The following HS6ST3 variants were observed in gnomAD, a reference collection of about 807,000 sequenced individuals.
HS6ST3 encodes heparan sulfate 6-O-sulfotransferase 3.
Under a neutral mutation model 36.7 loss-of-function variants are expected in HS6ST3, and 12 were observed. The ratio of observed to expected loss-of-function variants is 0.33; its 90% confidence interval spans 0.21 to 0.53. The LOEUF is 0.53. Among genes scored for constraint, HS6ST3 ranks in the 20% least tolerant of loss-of-function variants. HS6ST3 has a pLI of 0.95. For missense variants in HS6ST3, 584 were observed against 640.9 expected, an observed-to-expected ratio of 0.91 and a Z score of 0.96; for synonymous variants, 240 against 257.5, an observed-to-expected ratio of 0.93 and a Z score of 0.65.
chr13:96,372,570 A>T (rs1173491557), intron 1 of HS6ST3, among the ~76,000 whole-genome samples: 1 of 152,108 alleles, frequency 6.6e-6, no homozygotes, highest in African/African-American at 2.4e-5. Context: ...GACCAATGTC[A>T]TGGAACTTTT....
intron 1 of HS6ST3, among the ~76,000 whole-genome samples, chr13:96,505,700 T>C (rs754369351): frequency 1.3e-5 from 2 of 152,156 alleles, no homozygotes; most frequent in African/African-American, 2.4e-5. Flanking sequence ...TGAAGGAATT[T>C]ATTGAAGCCC....
intron 1 of HS6ST3, among the ~76,000 whole-genome samples, chr13:96,632,845 CT>C (rs551095930): frequency 6.6e-6 from 1 of 152,156 alleles, no homozygotes; most frequent in Non-Finnish European, 1.5e-5. Flanking sequence ...AAAACAGTAC[CT>C]CTGACAAGAT....
chr13:96,383,160 G>C (rs1240447826), intron 1 of HS6ST3, among the ~76,000 whole-genome samples: 1 of 151,488 alleles, frequency 6.6e-6, no homozygotes, highest in African/African-American at 2.4e-5. Context: ...TGAGGTAAAA[G>C]TGGGAGAGAG....
chr13:96,394,113 T>C (rs2055409146), intron 1 of HS6ST3, among the ~76,000 whole-genome samples: 1 of 152,170 alleles, frequency 6.6e-6, no homozygotes, highest in Non-Finnish European at 1.5e-5. Context: ...TGGCAGATGG[T>C]AGCCTTTGTG....
At chr13:96,162,654 C>G (rs2054141262) in intron 1 of HS6ST3, among the ~76,000 whole-genome samples, 1 of 152,156 alleles carries the variant, frequency 6.6e-6, no homozygotes, top group Non-Finnish European at 1.5e-5. Context: ...ATTTGATATA[C>G]AATTGTTGTA....
chr13:96,144,191 T>C (rs2054045325), intron 1 of HS6ST3, among the ~76,000 whole-genome samples: 1 of 152,222 alleles, frequency 6.6e-6, no homozygotes, highest in South Asian at 2.1e-4. Context: ...TAATCATTTA[T>C]GTTAAAAATC....
intron 1 of HS6ST3, among the ~76,000 whole-genome samples, chr13:96,711,418 TAAG>T (rs1001214595): frequency 3.9e-5 from 6 of 152,338 alleles, no homozygotes; most frequent in African/African-American, 1.4e-4. Flanking sequence ...AATAAAATAA[TAAG>T]AAGGAATAAG....
intron 1 of HS6ST3, among the ~76,000 whole-genome samples, chr13:96,579,130 A>T (rs2056332668): frequency 6.6e-6 from 1 of 152,090 alleles, no homozygotes; most frequent in Non-Finnish European, 1.5e-5. Flanking sequence ...GTATATATAT[A>T]TTTTACTGTT....
intron 1 of HS6ST3, among the ~76,000 whole-genome samples, chr13:96,764,323 A>G (rs1309757348): frequency 1.3e-5 from 2 of 152,206 alleles, no homozygotes; most frequent in Non-Finnish European, 2.9e-5. Context: ...GGTCTGATGG[A>G]AAAGGAAAAA....
chr13:96,763,032 C>A (rs1442278887), intron 1 of HS6ST3, among the ~76,000 whole-genome samples: 2 of 151,992 alleles, frequency 1.3e-5, no homozygotes, highest in Non-Finnish European at 2.9e-5. Context: ...TGATTTAGTT[C>A]TTCTTGAGAA....
At chr13:96,599,511 G>C (rs1293277706) in intron 1 of HS6ST3, among the ~76,000 whole-genome samples, 1 of 151,704 alleles carries the variant, frequency 6.6e-6, no homozygotes, top group Non-Finnish European at 1.5e-5. Flanking sequence ...ATTGTGCTTT[G>C]AGTCTTCTCT....
chr13:96,255,982 C>G (rs543953078), intron 1 of HS6ST3, among the ~76,000 whole-genome samples: 1 of 152,198 alleles, frequency 6.6e-6, no homozygotes, highest in African/African-American at 2.4e-5. Context: ...GTCCCATGAG[C>G]TTTTGATGTC....
intron 1 of HS6ST3, chr13:96,573,827 G>A (rs534396348): frequency 4.9e-6 from 2 of 406,490 alleles, no homozygotes; most frequent in Non-Finnish European, 4.8e-6. Context: ...ACTTAACTCT[G>A]GGACCTGGAA....
intron 1 of HS6ST3, among the ~76,000 whole-genome samples, chr13:96,406,969 T>C (rs1420571956): frequency 2.0e-5 from 3 of 152,242 alleles, no homozygotes; most frequent in Admixed American, 6.5e-5. Flanking sequence ...ATTTAATGTT[T>C]TTAATGGACG....
intron 1 of HS6ST3, among the ~76,000 whole-genome samples, chr13:96,744,446 A>T (rs958781168): frequency 2.0e-5 from 3 of 152,242 alleles, no homozygotes; most frequent in Middle Eastern, 3.4e-3. Flanking sequence ...TCTATTCAGG[A>T]TATCAAACAA....
intron 1 of HS6ST3, among the ~76,000 whole-genome samples, chr13:96,794,170 T>C (rs965772772): frequency 2.0e-5 from 3 of 152,074 alleles, no homozygotes; most frequent in African/African-American, 4.8e-5. Flanking sequence ...TGGTTTTCTT[T>C]TTCTGAAAAA....
chr13:96,659,407 A>G (rs140032297), intron 1 of HS6ST3, among the ~76,000 whole-genome samples: 106 of 152,252 alleles, frequency 7.0e-4, no homozygotes, highest in African/African-American at 2.5e-3. Context: ...TAGCCCATAT[A>G]TAAGCTCTTT....
chr13:96,579,269 T>C (rs1425633698), intron 1 of HS6ST3, among the ~76,000 whole-genome samples: 1 of 152,174 alleles, frequency 6.6e-6, no homozygotes, highest in Non-Finnish European at 1.5e-5. Flanking sequence ...CTATAGGGAT[T>C]CTGGAGCCTA....
intron 1 of HS6ST3, among the ~76,000 whole-genome samples, chr13:96,273,770 A>G (rs1016473509): frequency 1.3e-5 from 2 of 152,104 alleles, no homozygotes; most frequent in African/African-American, 4.8e-5. Context: ...CAGCACCTGG[A>G]GTCTAACAAA....
Sources: gnomAD v4.1 joint callset for allele counts (sites outside exome capture counted in the v4.1 genomes callset) on GRCh38, gnomAD v4.1.1 for gene constraint, MANE v1.5 for transcripts, NCBI Gene and HGNC (gene_info 2026-07-23, HGNC 2026-07-21) for gene names.